DYNC1I1: variants seen among roughly 807,000 people sequenced by gnomAD.
DYNC1I1 encodes the protein cytoplasmic dynein 1 intermediate chain 1.
Under a neutral mutation model 86.6 loss-of-function variants are expected in DYNC1I1, and 43 were observed. The ratio of observed to expected loss-of-function variants is 0.50; its 90% CI spans 0.39 to 0.64. The LOEUF is 0.64. Among genes scored for constraint, DYNC1I1 ranks in the 30% least tolerant of loss-of-function variants. The pLI is 0.00. For synonymous variants in DYNC1I1, 262 were observed against 283.7 expected (o/e 0.92, Z 0.77); for missense variants, 604 against 788.8 (o/e 0.77, Z 2.81).
chr7:95,983,913 G>T (rs894863296), intron 7 of DYNC1I1, among the ~76,000 whole-genome samples: 2 of 152,108 alleles, frequency 1.3e-5, no homozygotes, highest in East Asian at 3.9e-4. Flanking sequence ...TTGAACTAGG[G>T]TTCCTGAAGA....
intron 6 of DYNC1I1, among the ~76,000 whole-genome samples, chr7:95,950,847 C>T (rs1340486409): frequency 2.6e-5 from 4 of 152,166 alleles, no homozygotes; most frequent in Non-Finnish European, 5.9e-5. Flanking sequence ...AAATTAGCCA[C>T]ACATGGGATA....
chr7:96,088,106 C>G (rs1027325245), intron 16 of DYNC1I1, among the ~76,000 whole-genome samples: 1 of 151,932 alleles, frequency 6.6e-6, no homozygotes, highest in Admixed American at 6.6e-5. Context: ...ATGTAAAAGA[C>G]CATGATTAAA....
chr7:96,012,579 A>G (rs999105732), intron 10 of DYNC1I1, among the ~76,000 whole-genome samples: 1 of 152,192 alleles, frequency 6.6e-6, no homozygotes, highest in African/African-American at 2.4e-5. Context: ...TAAAGCCAAA[A>G]CATAAACTCA....
At chr7:95,912,230 T>C (rs1791355787) in intron 6 of DYNC1I1, among the ~76,000 whole-genome samples, 1 of 151,976 alleles carries the variant, frequency 6.6e-6, no homozygotes, top group Non-Finnish European at 1.5e-5. Flanking sequence ...AGAGAGGGGG[T>C]TTCACCATGT....
intron 9 of DYNC1I1, among the ~76,000 whole-genome samples, chr7:95,995,253 T>A (rs1048350758): frequency 2.0e-4 from 28 of 137,424 alleles, no homozygotes; most frequent in African/African-American, 9.4e-4. Flanking sequence ...TCTCAAAAAA[T>A]AAATAAATAA....
At chr7:95,844,307 A>G (rs1444602266) in intron 5 of DYNC1I1, among the ~76,000 whole-genome samples, 4 of 152,252 alleles carry the variant, frequency 2.6e-5, no homozygotes, top group Non-Finnish European at 5.9e-5. Context: ...AGCAAAGAGA[A>G]TGAAGGAAAA....
At chr7:95,925,950 G>A (rs1410962107) in intron 6 of DYNC1I1, among the ~76,000 whole-genome samples, 1 of 152,130 alleles carries the variant, frequency 6.6e-6, no homozygotes, top group African/African-American at 2.4e-5. Flanking sequence ...TATTTACCCT[G>A]ATGCATAAAT....
chr7:95,787,599 A>G (rs1794183356), intron 1 of DYNC1I1, among the ~76,000 whole-genome samples: 1 of 152,192 alleles, frequency 6.6e-6, no homozygotes, highest in South Asian at 2.1e-4. Context: ...TTTTGCAGCC[A>G]TATTTATTCA....
intron 4 of DYNC1I1, among the ~76,000 whole-genome samples, chr7:95,818,312 T>G (rs1011896037): frequency 2.5e-5 from 3 of 121,494 alleles, no homozygotes; most frequent in Non-Finnish European, 3.7e-5. Context: ...TTTTAAATCT[T>G]TTTTTTTTTT....
chr7:96,025,940 C>T (rs762658930), intron 10 of DYNC1I1, among the ~76,000 whole-genome samples: 1 of 151,972 alleles, frequency 6.6e-6, no homozygotes, highest in Non-Finnish European at 1.5e-5. Flanking sequence ...TTATCCATAT[C>T]GATTTGAGCT....
chr7:95,793,680 T>C (rs1454130074), intron 1 of DYNC1I1, among the ~76,000 whole-genome samples: 1 of 152,138 alleles, frequency 6.6e-6, no homozygotes, highest in Non-Finnish European at 1.5e-5. Context: ...TTTTAACCAA[T>C]TGGATGTGTG....
chr7:95,851,668 GTCT>G (rs1338472140), intron 5 of DYNC1I1, among the ~76,000 whole-genome samples: 2 of 151,918 alleles, frequency 1.3e-5, no homozygotes, highest in African/African-American at 4.8e-5. Flanking sequence ...TATGACTATA[GTCT>G]TCTTTTTTTT....
At chr7:96,107,558 G>A (rs1009092482) in intron 16 of DYNC1I1, among the ~76,000 whole-genome samples, 1 of 147,906 alleles carries the variant, frequency 6.8e-6, no homozygotes, top group Non-Finnish European at 1.5e-5. Context: ...TTGAAATAGA[G>A]TCTTGCTCTA....
chr7:95,868,616 T>C (rs897116759), intron 5 of DYNC1I1, among the ~76,000 whole-genome samples: 3 of 151,930 alleles, frequency 2.0e-5, no homozygotes, highest in African/African-American at 7.3e-5. Flanking sequence ...TTTTTAGAAA[T>C]AGAATATGTC....
intron 12 of DYNC1I1, among the ~76,000 whole-genome samples, chr7:96,034,397 C>T (rs12704830): frequency 0.052 from 7,969 of 152,150 alleles, 268 homozygotes; most frequent in Non-Finnish European, 0.084. Context: ...TAGGTTAAAA[C>T]CAGTAATATG....
chr7:95,909,979 G>A (rs1325950564), intron 6 of DYNC1I1, among the ~76,000 whole-genome samples: 1 of 152,144 alleles, frequency 6.6e-6, no homozygotes, highest in African/African-American at 2.4e-5. Flanking sequence ...CTTCAGAGGT[G>A]GTCCTGGGTC....
At chr7:95,785,775 G>GTATA (rs200152096) in intron 1 of DYNC1I1, among the ~76,000 whole-genome samples, 1,848 of 123,690 alleles carry the variant, frequency 0.015, 20 homozygotes, top group Non-Finnish European at 0.024. Context: ...GTGTGTATGT[G>GTATA]TATATATATA....
intron 6 of DYNC1I1, among the ~76,000 whole-genome samples, chr7:95,919,470 C>T (rs999620400): frequency 1.3e-5 from 2 of 152,088 alleles, no homozygotes; most frequent in Admixed American, 1.3e-4. Flanking sequence ...ATTTAAAAAT[C>T]AGCTTCTTTT....
At chr7:95,787,211 G>A (rs146608382) in intron 1 of DYNC1I1, among the ~76,000 whole-genome samples, 4 of 152,256 alleles carry the variant, frequency 2.6e-5, no homozygotes, top group Admixed American at 6.5e-5. Context: ...GGATCACAGT[G>A]CCCTTGCTTA....
Sources: allele counts gnomAD v4.1 joint callset (sites outside exome capture counted in the v4.1 genomes callset), GRCh38; gene constraint gnomAD v4.1.1; transcripts MANE v1.5; gene names NCBI Gene and HGNC (gene_info 2026-07-23, HGNC 2026-07-21).